COLGALT1: variants seen among roughly 807,000 people sequenced by gnomAD.
COLGALT1 encodes the protein procollagen galactosyltransferase 1.
COLGALT1 carries 43 observed loss-of-function variants against 60.8 expected under a neutral mutation model. That is an observed-to-expected ratio of 0.71 (90% CI 0.55 to 0.91). COLGALT1 has a LOEUF of 0.91. COLGALT1 is among the 40% of genes least tolerant of loss of function. The pLI, the probability that COLGALT1 is intolerant of heterozygous loss-of-function variation, is 0.00. For synonymous variants in COLGALT1, 369 were observed against 374.2 expected, an observed-to-expected ratio of 0.99 and a Z score of 0.16; for missense variants, 845 against 880.0, an observed-to-expected ratio of 0.96 and a Z score of 0.50.
At position 17,572,093 on chromosome 19, in the gene COLGALT1, C is replaced by T. The variant is rs533582097; in HGVS notation, c.830-390C>T. ...TCAGGAGGCCAAGACAGGTGGATCG[C>T]GAGGTCAGGAGATCGAGACCATCCT... On this transcript the variant is annotated intron_variant, in intron 5 of 11. Coordinates refer to ENST00000252599, the MANE Select transcript of COLGALT1 (RefSeq NM_024656.4). Among the ~76,000 whole-genome samples the T allele has an allele frequency of 5.3e-5, 8 of 152,028 alleles. No individual in the cohort carries two copies. The South Asian group carries it at 1.2e-3, about 24-fold the overall frequency.
At chr19:17,579,452 C>G in intron 9 of COLGALT1, 30 bp from the exon 10 acceptor site, 1 of 1,614,030 alleles carries the variant, frequency 6.2e-7, no homozygotes, top group Non-Finnish European at 8.5e-7. Context: ...CCTTGGCCTC[C>G]CTGTGATGTG....
At chr19:17,561,773 G>T (rs12973375) in intron 3 of COLGALT1, among the ~76,000 whole-genome samples, 1 of 151,826 alleles carries the variant, frequency 6.6e-6, no homozygotes, top group Non-Finnish European at 1.5e-5. Flanking sequence ...ATTTTGGGGC[G>T]TCCATCCCCT....
chr19:17,575,108 A>G (rs1020068677), intron 6 of COLGALT1, among the ~76,000 whole-genome samples: 6 of 151,900 alleles, frequency 3.9e-5, no homozygotes, highest in African/African-American at 1.5e-4. Flanking sequence ...CTGGAGTGCA[A>G]TGGTGCGATC....
intron 3 of COLGALT1, among the ~76,000 whole-genome samples, chr19:17,564,197 A>G (rs891898291): frequency 3.0e-4 from 45 of 152,082 alleles, no homozygotes; most frequent in Admixed American, 2.8e-3. Context: ...GCAATCAGCC[A>G]TGATTGTGTC....
At chr19:17,564,470 G>A (rs150501106) in intron 3 of COLGALT1, among the ~76,000 whole-genome samples, 15,775 of 141,106 alleles carry the variant, frequency 0.11, 950 homozygotes, top group East Asian at 0.26. Flanking sequence ...AGGCTAGAGT[G>A]CAGTGGCGCC....
chr19:17,581,376 A>G lies in COLGALT1; in HGVS notation c.1801A>G (p.Ser601Gly). The G allele has an allele frequency of 6.2e-7, 1 of 1,613,084 alleles. No individual in the cohort carries two copies. Among genetic ancestry groups the G allele is most frequent in the Non-Finnish European group, 8.5e-7 (1 of 1,179,962 alleles). Residue 601 changes from serine (S) to glycine (G), a missense_variant, in exon 12 of 12, where the codon AGC becomes GGC. Coordinates refer to ENST00000252599, the MANE Select transcript of COLGALT1 (RefSeq NM_024656.4). The part of the protein sequence containing the change: ...SQKMREQQAL[S>G]REAKNSDVLQ... ...GAAGATGCGGGAGCAGCAGGCACTGAGCCGTGAGGCCAAGAACTCGGACGT... is the reference window on the plus strand; with the variant it reads ...GAAGATGCGGGAGCAGCAGGCACTGGGCCGTGAGGCCAAGAACTCGGACGT...
intron 10 of COLGALT1, chr19:17,580,167 G>C (rs867629403): frequency 5.3e-6 from 1 of 190,272 alleles, no homozygotes; most frequent in African/African-American, 2.4e-5. Context: ...TGGCCAGGGC[G>C]CCTGGTCTTA....
chr19:17,567,131 TG>T (rs2076283958), intron 3 of COLGALT1, among the ~76,000 whole-genome samples: 1 of 152,172 alleles, frequency 6.6e-6, no homozygotes, highest in African/African-American at 2.4e-5. Flanking sequence ...AAAAAGGTTT[TG>T]CTACCTTCTT....
chr19:17,581,172 C>G lies in COLGALT1; in HGVS notation c.1602-5C>G, dbSNP rs370199311. On this transcript the variant is annotated splice_region_variant and splice_polypyrimidine_tract_variant and intron_variant, in intron 11 of 11. Transcript: ENST00000252599. Reference sequence around the variant, plus strand: ...TGCCCCTCACTCCCCTCCTCCTCCCCCCAGGTCCGAGTACAAGGCCCACTT... The same window carrying G: ...TGCCCCTCACTCCCCTCCTCCTCCCGCCAGGTCCGAGTACAAGGCCCACTT... The G allele has an allele frequency of 8.5e-5, 136 of 1,605,660 alleles. 1 individual carries two copies. Among genetic ancestry groups the G allele is most frequent in the South Asian group, 7.4e-4 (67 of 90,864 alleles).
rs187492977 is a variant in COLGALT1, at chr19:17,581,301, G to A, written c.1726G>A (p.Val576Ile). The A allele has an allele frequency of 2.9e-5, 46 of 1,613,158 alleles. No individual in the cohort carries two copies. Among genetic ancestry groups the A allele is most frequent in the African/African-American group, 8.0e-5 (6 of 74,960 alleles). The change falls in exon 12 of 12, where the codon GTA becomes ATA. Residue 576 changes from valine (V) to isoleucine (I), a missense_variant. Coordinates refer to ENST00000252599, the MANE Select transcript of COLGALT1 (RefSeq NM_024656.4). ...GYVSDTETSVVWNNEHVKTDW... is the reference protein window; with the variant it reads ...GYVSDTETSVIWNNEHVKTDW... Reference sequence around the variant, plus strand: ...TGTGAGTGACACCGAGACCTCAGTCGTATGGAACAATGAGCACGTCAAGAC... The same window carrying A: ...TGTGAGTGACACCGAGACCTCAGTCATATGGAACAATGAGCACGTCAAGAC...
At position 17,577,179 on chromosome 19, in the gene COLGALT1, C is replaced by CTG. The variant is rs758676232; in HGVS notation, c.950-16_950-15insTG. 9 of 1,612,620 alleles carry CTG rather than the reference C, an allele frequency of 5.6e-6. No individual in the cohort carries two copies. The South Asian group carries it at 9.9e-5, about 18-fold the overall frequency. ...GCTCCTTACCCCAGCGACTCCTCAA[C>CTG]GTCTGTGCCCCACAGTGAAGCACCC... On this transcript the variant is annotated splice_polypyrimidine_tract_variant and intron_variant, in intron 6 of 11. Transcript: ENST00000252599.
intron 5 of COLGALT1, among the ~76,000 whole-genome samples, chr19:17,570,841 G>A (rs1024919935): frequency 2.0e-5 from 3 of 151,866 alleles, no homozygotes; most frequent in Admixed American, 1.3e-4. Context: ...CTGGGATTAC[G>A]GGCATGAGCC....
intron 1 of COLGALT1, 131 bp from the exon 2 acceptor site, chr19:17,559,180 G>A (rs1440598905): frequency 4.3e-6 from 3 of 699,910 alleles, no homozygotes; most frequent in Non-Finnish European, 7.9e-6. Flanking sequence ...AAAGGAAAGG[G>A]AGAAGTGTCC....
chr19:17,566,752 A>G (rs1174254749), intron 3 of COLGALT1, among the ~76,000 whole-genome samples: 1 of 152,074 alleles, frequency 6.6e-6, no homozygotes, highest in Non-Finnish European at 1.5e-5. Context: ...CTACGATTAC[A>G]CCATTGCACT....
chr19:17,560,187 C>T (rs868549835), intron 2 of COLGALT1, among the ~76,000 whole-genome samples, 161 bp from the exon 3 acceptor site: 1 of 152,188 alleles, frequency 6.6e-6, no homozygotes, highest in African/African-American at 2.4e-5. Context: ...AACATTCTCC[C>T]CACTTCTCTT....
In COLGALT1 at chr19:17,581,665, G is replaced by A. The variant is rs926581282; in HGVS notation, c.*221G>A. On this transcript the variant is annotated 3_prime_UTR_variant, in exon 12 of 12. Transcript: ENST00000252599. ...AGGGCTTGGCCCTGGGGAATTGGGA[G>A]GAACCAAGCCCTCTTCATCTGTTCA... 4.9e-6 allele frequency: 3 copies of A among 617,040 alleles called. No individual in the cohort carries two copies. The highest frequency in any genetic ancestry group is 8.4e-6 in the Non-Finnish European group (3 of 356,616). The allele number at this position is 617,040 out of a possible 1,614,324, so 38.2% of individuals were successfully genotyped here.
Position 17,581,600 on chromosome 19 carries a change from A to G in COLGALT1, c.*156A>G, listed in dbSNP as rs2076383380. ...GCTCTTGCTAAGCAATCACGTGCAC[A>G]CAGGCAGCATTAATGGAGTGCCTAC... On this transcript the variant is annotated 3_prime_UTR_variant, in exon 12 of 12. Transcript: ENST00000252599. 1.0e-6 allele frequency: 1 copy of G among 988,316 alleles called. No individual in the cohort carries two copies. The highest frequency in any genetic ancestry group is 1.7e-5 in the South Asian group (1 of 58,726). 61.2% of individuals were successfully genotyped at this position (988,316 alleles called of 1,614,324 possible). A position where few individuals can be genotyped will look rare whatever the true frequency, so the allele number is the denominator to read the frequency against.
Position 17,555,857 on chromosome 19 carries a change from C to G in COLGALT1, c.144C>G (p.Pro48=). 7.3e-7 allele frequency: 1 copy of G among 1,370,828 alleles called. No homozygotes were observed. Among genetic ancestry groups the G allele is most frequent in the East Asian group, 3.1e-5 (1 of 32,178 alleles). 84.9% of individuals were successfully genotyped at this position (1,370,828 alleles called of 1,614,324 possible). ...FPEERWSPES[P]LQAPRVLIAL... ...AGGAGCGCTGGAGCCCGGAGTCGCC[C>G]CTGCAGGCGCCGCGCGTGCTCATCG... Residue 48 remains proline (P), a synonymous_variant, in exon 1 of 12, where the codon CCC becomes CCG. Coordinates refer to ENST00000252599, the MANE Select transcript of COLGALT1 (RefSeq NM_024656.4).
chr19:17,577,003 T>TGAGAGGCAGGAGTGGGGGCGGGGTGAAGC, intron 6 of COLGALT1, 192 bp from the exon 7 acceptor site: 1 of 587,588 alleles, frequency 1.7e-6, no homozygotes. Flanking sequence ...TGGCCAGGGC[T>TGAGAGGCAGGAGTGGGGGCGGGGTGAAGC]TTGGGCTGCT....
Sources: allele counts gnomAD v4.1 joint callset (sites outside exome capture counted in the v4.1 genomes callset), GRCh38; gene constraint gnomAD v4.1.1; transcripts MANE v1.5; gene names NCBI Gene and HGNC (gene_info 2026-07-23, HGNC 2026-07-21).